The following RABEPK variants were observed in gnomAD, a reference collection of about 807,000 sequenced individuals.
RABEPK encodes the protein Rab9 effector protein with kelch motifs.
In RABEPK, 27 loss-of-function variants were observed where a neutral mutation model predicts 34.1. That is an observed-to-expected ratio of 0.79 (90% CI 0.58 to 1.09). The LOEUF (loss-of-function observed/expected upper bound fraction) is 1.09. Ranked by LOEUF, RABEPK falls within the 50% of genes least tolerant of loss-of-function variation. The probability of loss-of-function intolerance (pLI) is 0.00; values close to 1 mark genes in which losing one functional copy is unlikely to be tolerated. For missense variants in RABEPK, 449 were observed against 462.6 expected (o/e 0.97, Z 0.27); for synonymous variants, 172 against 169.2 (o/e 1.02, Z -0.13).
chr9:125,219,626 C>G (rs1831188007), intron 4 of RABEPK, among the ~76,000 whole-genome samples: 1 of 152,028 alleles, frequency 6.6e-6, no homozygotes, highest in African/African-American at 2.4e-5. Flanking sequence ...TGGTCTAGAA[C>G]TCCTACCCTC....
At chr9:125,226,584 G>T (rs1370051410) in intron 5 of RABEPK, among the ~76,000 whole-genome samples, 1 of 151,890 alleles carries the variant, frequency 6.6e-6, no homozygotes, top group Non-Finnish European at 1.5e-5. Flanking sequence ...TATTAGATGG[G>T]GCCGGGCACG....
At chr9:125,219,503 C>G (rs1374016163) in intron 4 of RABEPK, among the ~76,000 whole-genome samples, 1 of 152,038 alleles carries the variant, frequency 6.6e-6, no homozygotes, top group Admixed American at 6.6e-5. Flanking sequence ...AAGTGATTCT[C>G]CTGTCTCAGC....
chr9:125,210,199 C>A (rs543300278), intron 3 of RABEPK, among the ~76,000 whole-genome samples: 1 of 151,582 alleles, frequency 6.6e-6, no homozygotes, highest in African/African-American at 2.4e-5. Flanking sequence ...GTCAAGAGAT[C>A]GAGACCATCC....
intron 7 of RABEPK, among the ~76,000 whole-genome samples, chr9:125,233,372 T>C (rs527412712): frequency 5.4e-4 from 70 of 129,604 alleles, no homozygotes; most frequent in African/African-American, 2.1e-3. Flanking sequence ...GGAGTCTCAC[T>C]CTGTCGCCCA....
intron 5 of RABEPK, among the ~76,000 whole-genome samples, chr9:125,223,296 G>A (rs1831487527): frequency 6.6e-6 from 1 of 151,402 alleles, no homozygotes; most frequent in Non-Finnish European, 1.5e-5. Context: ...AAAATTAGCT[G>A]GACGTGGTGG....
chr9:125,224,749 C>T (rs116982254), intron 5 of RABEPK, among the ~76,000 whole-genome samples: 25 of 152,166 alleles, frequency 1.6e-4, no homozygotes, highest in East Asian at 1.4e-3. Context: ...CCACTGCGCC[C>T]GGCCAGTATT....
chr9:125,233,733 CT>C lies in RABEPK; in HGVS notation c.873del (p.Gly292AspfsTer14). 1 of 1,614,142 alleles carries C rather than the reference CT, an allele frequency of 6.2e-7. No individual in the cohort carries two copies. Among genetic ancestry groups the C allele is most frequent in the South Asian group, 1.1e-5 (1 of 91,082 alleles). On this transcript the variant is annotated frameshift_variant, in exon 8 of 8. Transcript: ENST00000373538. LOFTEE classifies it low-confidence loss of function (END_TRUNC). ...TLLKFDTLLP[P>X]GRLDHSMCII... ...CTTAAATTTGATACTCTTCTACCCCCTGGACGATTGGACCATTCCATGTGTA... is the reference window on the plus strand; with the variant it reads ...CTTAAATTTGATACTCTTCTACCCCCGGACGATTGGACCATTCCATGTGTA...
In RABEPK at chr9:125,234,044, T is replaced by A; in HGVS notation, c.*64T>A. The A allele has an allele frequency of 1.4e-6, 2 of 1,400,856 alleles. No individual in the cohort carries two copies. Among genetic ancestry groups the A allele is most frequent in the South Asian group, 2.7e-5 (2 of 74,700 alleles). The allele number at this position is 1,400,856 out of a possible 1,614,324, so 86.8% of individuals were successfully genotyped here. ...AATAGTTAAGTAAAACATTAGCTGT[T>A]TTATACCTCCAAAATATCTTCTGCA... On this transcript the variant is annotated 3_prime_UTR_variant, in exon 8 of 8. Coordinates refer to ENST00000373538, the MANE Select transcript of RABEPK (RefSeq NM_005833.4).
intron 1 of RABEPK, among the ~76,000 whole-genome samples, chr9:125,201,498 C>T (rs924087873): frequency 1.3e-5 from 2 of 152,170 alleles, no homozygotes; most frequent in East Asian, 3.8e-4. Flanking sequence ...GTCCTTTGAG[C>T]GGAGAGCAGT....
Position 125,234,086 on chromosome 9 carries a change from CTCCTACTTTGGTAGGTG to C in RABEPK, c.*107_*123del, listed in dbSNP as rs1239596647. 2 of 1,200,028 alleles carry C rather than the reference CTCCTACTTTGGTAGGTG, an allele frequency of 1.7e-6. No homozygotes were observed. The highest frequency in any genetic ancestry group is 3.1e-5 in the African/African-American group (2 of 65,200). The allele number at this position is 1,200,028 out of a possible 1,614,324, so 74.3% of individuals were successfully genotyped here. On this transcript the variant is annotated 3_prime_UTR_variant, in exon 8 of 8. Coordinates refer to ENST00000373538, the MANE Select transcript of RABEPK (RefSeq NM_005833.4). The stretch of plus-strand genomic sequence containing the variant: ...TCTTCTGCATTATATATCTGTTTTT[CTCCTACTTTGGTAGGTG>C]AAGAAACTAATGCAAATAATTCTTA...
In RABEPK at chr9:125,233,726, C is replaced by T. The variant is rs953119166; in HGVS notation, c.865C>T (p.Leu289=). Residue 289 remains leucine, a synonymous_variant, in exon 8 of 8, where the codon CTA becomes TTA. Transcript: ENST00000373538. ...HWTLLKFDTL[L]PPGRLDHSMC... is the part of the protein sequence containing the mutation. Reference sequence around the variant, plus strand: ...GACCTTGCTTAAATTTGATACTCTTCTACCCCCTGGACGATTGGACCATTC... The same window carrying T: ...GACCTTGCTTAAATTTGATACTCTTTTACCCCCTGGACGATTGGACCATTC... 3.7e-6 allele frequency: 6 copies of T among 1,614,152 alleles called. No homozygotes were observed. The African/African-American group carries it at 5.3e-5, about 14-fold the overall frequency.
rs1831844845 is a variant in RABEPK, at chr9:125,227,489, T to G, written c.527-421T>G. 2.0e-5 allele frequency among the ~76,000 whole-genome samples: 3 copies of G among 151,722 alleles called. No homozygotes were observed. In the South Asian group the frequency reaches 6.2e-4, roughly 32 times the overall value. ...CAGGCTGGAATGCAATGGCGCAATCTCGGCTCACTTCAACCTCCACCTCTC... is the reference window on the plus strand; with the variant it reads ...CAGGCTGGAATGCAATGGCGCAATCGCGGCTCACTTCAACCTCCACCTCTC... On this transcript the variant is annotated intron_variant, in intron 5 of 7. Coordinates refer to ENST00000373538, the MANE Select transcript of RABEPK (RefSeq NM_005833.4).
At position 125,207,738 on chromosome 9, in the gene RABEPK, C is replaced by T. The variant is rs757322787; in HGVS notation, c.211+17C>T. ...TGGATCTGGGTAAGATCAGCAGCTG[C>T]AGAGTACATGCCCTATGGCCAGAGA... is the stretch of plus-strand genomic sequence containing the variant. On this transcript the variant is annotated intron_variant, in intron 3 of 7. Transcript: ENST00000373538. 15 of 1,613,726 alleles carry T rather than the reference C, an allele frequency of 9.3e-6. No homozygotes were observed. The highest frequency in any genetic ancestry group is 1.3e-5 in the Non-Finnish European group (15 of 1,179,716).
At chr9:125,216,317 A>C (rs1036018574) in intron 4 of RABEPK, among the ~76,000 whole-genome samples, 3 of 152,110 alleles carry the variant, frequency 2.0e-5, no homozygotes, top group South Asian at 4.2e-4. Context: ...CATTTTTCAC[A>C]TGTCAGCCAA....
At chr9:125,230,871 C>T (rs949248618) in intron 6 of RABEPK, among the ~76,000 whole-genome samples, 3 of 151,916 alleles carry the variant, frequency 2.0e-5, no homozygotes, top group Admixed American at 6.6e-5. Context: ...CCATTCCTTG[C>T]GGGCAGTCAG....
intron 3 of RABEPK, among the ~76,000 whole-genome samples, chr9:125,209,495 G>C (rs112961698): frequency 6.6e-6 from 1 of 151,954 alleles, no homozygotes; most frequent in African/African-American, 2.4e-5. Context: ...GATTACAGGC[G>C]CGTGCCACCA....
intron 4 of RABEPK, among the ~76,000 whole-genome samples, chr9:125,218,145 A>G (rs1419362271): frequency 1.4e-5 from 1 of 70,282 alleles, no homozygotes; most frequent in Admixed American, 1.7e-4. Context: ...CTCCGTCTCT[A>G]CTAAAAAAAA....
chr9:125,232,453 C>A, intron 6 of RABEPK, 143 bp from the exon 7 acceptor site: 2 of 908,686 alleles, frequency 2.2e-6, no homozygotes, highest in Non-Finnish European at 3.1e-6. Flanking sequence ...CAGAGTTCCC[C>A]AAATAATTCT....
chr9:125,226,658 G>A (rs1564194951), intron 5 of RABEPK, among the ~76,000 whole-genome samples: 1 of 151,908 alleles, frequency 6.6e-6, no homozygotes, highest in Non-Finnish European at 1.5e-5. Flanking sequence ...GAGGTCAAGA[G>A]ATCAAGACCA....
Sources: gnomAD v4.1 joint callset for allele counts (sites outside exome capture counted in the v4.1 genomes callset) on GRCh38, gnomAD v4.1.1 for gene constraint, MANE v1.5 for transcripts, NCBI Gene and HGNC (gene_info 2026-07-23, HGNC 2026-07-21) for gene names.